The following PPM1H variants were observed in gnomAD, a reference collection of about 807,000 sequenced individuals.
PPM1H encodes protein phosphatase 1H.
A neutral mutation model predicts 54.9 loss-of-function variants in PPM1H; 27 were observed. That is an observed-to-expected ratio of 0.49 (90% CI 0.36 to 0.68). PPM1H has a LOEUF of 0.68. Among genes scored for constraint, PPM1H ranks in the 30% least tolerant of loss-of-function variants. The pLI is 0.00. For synonymous variants in PPM1H, 305 were observed against 270.8 expected (o/e 1.13, Z -1.24); for missense variants, 596 against 667.8 (o/e 0.89, Z 1.19).
At chr12:62,675,726 A>C (rs1167054050) in intron 8 of PPM1H, among the ~76,000 whole-genome samples, 2 of 152,212 alleles carry the variant, frequency 1.3e-5, no homozygotes, top group Non-Finnish European at 2.9e-5. Flanking sequence ...GACAAATAAT[A>C]AAATGACTGC....
chr12:62,850,472 A>G (rs1455075474), intron 1 of PPM1H, among the ~76,000 whole-genome samples: 1 of 151,884 alleles, frequency 6.6e-6, no homozygotes, highest in African/African-American at 2.4e-5. Flanking sequence ...TTGGTAATCT[A>G]ACAATACAAA....
At chr12:62,886,881 A>G (rs1870608428) in intron 1 of PPM1H, among the ~76,000 whole-genome samples, 1 of 152,212 alleles carries the variant, frequency 6.6e-6, no homozygotes, top group Admixed American at 6.5e-5. Flanking sequence ...TCAGTAAAGG[A>G]TGGAATCATG....
intron 1 of PPM1H, among the ~76,000 whole-genome samples, chr12:62,917,083 A>G (rs1871648201): frequency 6.6e-6 from 1 of 152,264 alleles, no homozygotes; most frequent in South Asian, 2.1e-4. Flanking sequence ...GACTTATGTG[A>G]ATTTTCAAAA....
intron 1 of PPM1H, among the ~76,000 whole-genome samples, chr12:62,832,804 G>A (rs1868390207): frequency 6.6e-6 from 1 of 151,994 alleles, no homozygotes; most frequent in Admixed American, 6.6e-5. Flanking sequence ...TTTACACAAA[G>A]GCAAGCAAAT....
chr12:62,767,911 T>C (rs886822947), intron 4 of PPM1H, among the ~76,000 whole-genome samples: 3 of 152,196 alleles, frequency 2.0e-5, no homozygotes, highest in Non-Finnish European at 4.4e-5. Context: ...TCATCTTCCC[T>C]GTGTCTGTCT....
chr12:62,812,050 C>T (rs909390986), intron 2 of PPM1H, among the ~76,000 whole-genome samples: 2 of 152,200 alleles, frequency 1.3e-5, no homozygotes, highest in Non-Finnish European at 2.9e-5. Context: ...TCTTCAGACT[C>T]CAAGTTAAGG....
At chr12:62,782,537 G>A (rs76366204) in intron 4 of PPM1H, among the ~76,000 whole-genome samples, 1 of 152,174 alleles carries the variant, frequency 6.6e-6, no homozygotes, top group Non-Finnish European at 1.5e-5. Flanking sequence ...CACTGGCTTC[G>A]TTCAGTGACA....
chr12:62,712,802 G>A (rs2076214600), intron 6 of PPM1H, among the ~76,000 whole-genome samples: 1 of 152,144 alleles, frequency 6.6e-6, no homozygotes, highest in African/African-American at 2.4e-5. Context: ...CTTGGGATCC[G>A]TGGAAAAGCT....
At chr12:62,907,000 T>TA (rs1871320883) in intron 1 of PPM1H, among the ~76,000 whole-genome samples, 1 of 152,190 alleles carries the variant, frequency 6.6e-6, no homozygotes, top group South Asian at 2.1e-4. Context: ...AGCTGAGAAA[T>TA]ACTCTCAAGA....
At chr12:62,804,789 CCT>C (rs2076796247) in intron 2 of PPM1H, among the ~76,000 whole-genome samples, 1 of 148,488 alleles carries the variant, frequency 6.7e-6, no homozygotes, top group South Asian at 2.1e-4. Context: ...CATTCTCCTG[CCT>C]CAGCCTCCCA....
chr12:62,859,771 C>G (rs529353688), intron 1 of PPM1H, among the ~76,000 whole-genome samples: 4 of 152,292 alleles, frequency 2.6e-5, no homozygotes, highest in African/African-American at 7.2e-5. Flanking sequence ...GGGACAAAGC[C>G]CCTGCCTTGA....
chr12:62,806,571 G>C lies in PPM1H; in HGVS notation c.412-4411C>G, dbSNP rs115268653. 3.9e-3 allele frequency among the ~76,000 whole-genome samples: 601 copies of C among 152,248 alleles called. 5 individuals are homozygous for C. Among genetic ancestry groups the C allele is most frequent in the African/African-American group, 0.013 (542 of 41,546 alleles). On this transcript the variant is annotated intron_variant, in intron 2 of 9. Coordinates refer to ENST00000228705, the MANE Select transcript of PPM1H (RefSeq NM_020700.2). ...TGGGAGGTGACTGCATCATGGGGGT[G>C]GATTTCCCCTTGTTCTTGTGACAGT...
At position 62,691,754 on chromosome 12, in the gene PPM1H, T is replaced by C. The variant is rs1241926242; in HGVS notation, c.1138-1948A>G. Among the ~76,000 whole-genome samples, 10 of 150,260 alleles carry C rather than the reference T, an allele frequency of 6.7e-5. No individual in the cohort carries two copies. In the Admixed American group the frequency reaches 6.7e-4, roughly 10 times the overall value. On this transcript the variant is annotated intron_variant, in intron 7 of 9. Transcript: ENST00000228705. ...GGGAGGATCACCTGATCCTGGGATG[T>C]CGAGCCTGAAGTGAGCCGAGATTGT...
intron 4 of PPM1H, among the ~76,000 whole-genome samples, chr12:62,742,706 C>T (rs1009126434): frequency 6.6e-6 from 1 of 152,178 alleles, no homozygotes; most frequent in Admixed American, 6.5e-5. Context: ...TACACTCTGA[C>T]CTTCCTTCTG....
At chr12:62,745,433 A>G (rs1022614081) in intron 4 of PPM1H, among the ~76,000 whole-genome samples, 1 of 152,186 alleles carries the variant, frequency 6.6e-6, no homozygotes, top group Admixed American at 6.5e-5. Flanking sequence ...AAGTTTGAAG[A>G]GGAACTGATT....
At chr12:62,846,550 T>TGTC (rs1432790415) in intron 1 of PPM1H, among the ~76,000 whole-genome samples, 1 of 151,726 alleles carries the variant, frequency 6.6e-6, no homozygotes, top group East Asian at 1.9e-4. Context: ...ACCATATCAG[T>TGTC]GTCTTCCTGA....
intron 3 of PPM1H, among the ~76,000 whole-genome samples, chr12:62,797,002 T>C (rs1000533446): frequency 6.6e-6 from 1 of 152,150 alleles, no homozygotes; most frequent in Admixed American, 6.5e-5. Context: ...AAGATACTTA[T>C]CACTTTGAAG....
intron 8 of PPM1H, among the ~76,000 whole-genome samples, chr12:62,670,211 A>G (rs2136615971): frequency 6.6e-6 from 1 of 152,080 alleles, no homozygotes; most frequent in East Asian, 2.0e-4. Context: ...TCCCGACCTC[A>G]GGTGATCCAC....
intron 3 of PPM1H, among the ~76,000 whole-genome samples, chr12:62,800,346 GT>G (rs967949158): frequency 2.6e-4 from 39 of 148,288 alleles, no homozygotes; most frequent in African/African-American, 9.4e-4. Flanking sequence ...TTGTTTATTT[GT>G]TTTTTTGAGA....
Sources: gnomAD v4.1 joint callset for allele counts (sites outside exome capture counted in the v4.1 genomes callset) on GRCh38, gnomAD v4.1.1 for gene constraint, MANE v1.5 for transcripts, NCBI Gene and HGNC (gene_info 2026-07-23, HGNC 2026-07-21) for gene names.